CYLC2: variants seen among roughly 807,000 people sequenced by gnomAD.
The protein encoded by CYLC2 is cylicin 2.
Under a neutral mutation model 26.1 loss-of-function variants are expected in CYLC2, and 30 were observed. The observed-to-expected ratio is 1.15, with a 90% CI of 0.86 to 1.56. The LOEUF (loss-of-function observed/expected upper bound fraction) is 1.56. Ranked by LOEUF, CYLC2 falls within the 40% of genes most tolerant of loss-of-function variation. The pLI is 0.00. For missense variants in CYLC2, 498 were observed against 394.4 expected, an observed-to-expected ratio of 1.26 and a Z score of -2.23; for synonymous variants, 158 against 132.8, an observed-to-expected ratio of 1.19 and a Z score of -1.31.
At chr9:103,016,464 A>C (rs536319894) in intron 6 of CYLC2, among the ~76,000 whole-genome samples, 1 of 152,172 alleles carries the variant, frequency 6.6e-6, no homozygotes, top group African/African-American at 2.4e-5. Flanking sequence ...TAATTTCAGT[A>C]GTTGTCACAT....
chr9:103,013,701 C>T (rs1324255275), intron 6 of CYLC2, among the ~76,000 whole-genome samples: 5 of 104,836 alleles, frequency 4.8e-5, no homozygotes, highest in Admixed American at 4.0e-4. Flanking sequence ...ATATCCTGTA[C>T]ATTATATATT....
intron 6 of CYLC2, among the ~76,000 whole-genome samples, chr9:103,014,637 A>T (rs1440462931): frequency 7.0e-6 from 1 of 143,046 alleles, no homozygotes; most frequent in East Asian, 2.1e-4. Context: ...AGTATACATC[A>T]TATGTATATT....
At chr9:103,014,751 TAC>T (rs1829475004) in intron 6 of CYLC2, among the ~76,000 whole-genome samples, 1 of 46,224 alleles carries the variant, frequency 2.2e-5, no homozygotes, top group South Asian at 3.8e-3. Flanking sequence ...TTATGCAATA[TAC>T]ATATGTAATA....
intron 5 of CYLC2, among the ~76,000 whole-genome samples, chr9:103,009,316 C>A (rs2118250584): frequency 6.6e-6 from 1 of 152,176 alleles, no homozygotes; most frequent in Admixed American, 6.5e-5. Flanking sequence ...GGTGATTCTA[C>A]CACCTCAGCC....
chr9:102,996,112 T>A (rs1829234698), intron 1 of CYLC2, among the ~76,000 whole-genome samples: 1 of 151,790 alleles, frequency 6.6e-6, no homozygotes, highest in South Asian at 2.1e-4. Context: ...TTAGCAGTAT[T>A]GTTAAAGGAA....
chr9:103,004,129 T>A (rs1829315453), intron 3 of CYLC2, among the ~76,000 whole-genome samples: 1 of 152,094 alleles, frequency 6.6e-6, no homozygotes, highest in Admixed American at 6.6e-5. Flanking sequence ...GCATAATTTC[T>A]CTCAAATTAA....
At chr9:102,999,335 C>T (rs1829266256) in intron 1 of CYLC2, among the ~76,000 whole-genome samples, 1 of 151,804 alleles carries the variant, frequency 6.6e-6, no homozygotes, top group African/African-American at 2.4e-5. Flanking sequence ...AACTCTGTAT[C>T]ATATAAACTT....
chr9:102,997,236 A>G (rs1413543050), intron 1 of CYLC2, among the ~76,000 whole-genome samples: 1 of 151,850 alleles, frequency 6.6e-6, no homozygotes, highest in Non-Finnish European at 1.5e-5. Flanking sequence ...CATTCTGTCC[A>G]TTGTAAGATG....
At chr9:103,014,527 A>G (rs954487685) in intron 6 of CYLC2, among the ~76,000 whole-genome samples, 2 of 142,908 alleles carry the variant, frequency 1.4e-5, no homozygotes, top group African/African-American at 5.0e-5. Flanking sequence ...TAATATATGC[A>G]ATATACATCA....
rs1829338552 is a variant in CYLC2, at chr9:103,005,620, A to T, written c.989A>T (p.Asp330Val). 1 of 1,613,208 alleles carries T rather than the reference A, an allele frequency of 6.2e-7. No homozygotes were observed. The highest frequency in any genetic ancestry group is 1.3e-5 in the African/African-American group (1 of 74,958). Residue 330 changes from aspartate to valine, a missense_variant, in exon 5 of 8, where the codon GAT becomes GTT. Transcript: ENST00000374798. ...KKNAKKDAKK[D>V]AKKNAKKDEK... The stretch of plus-strand genomic sequence containing the variant: ...AATGCTAAGAAGGATGCAAAGAAGG[A>T]TGCAAAGAAGAATGCAAAGAAGGAT...
intron 3 of CYLC2, among the ~76,000 whole-genome samples, chr9:103,004,034 T>C (rs1829314704): frequency 1.3e-5 from 2 of 152,196 alleles, no homozygotes; most frequent in Non-Finnish European, 1.5e-5. Flanking sequence ...AATTTATTTT[T>C]CCATTTTTGT....
intron 1 of CYLC2, among the ~76,000 whole-genome samples, chr9:103,000,354 AT>A (rs1341807388): frequency 6.6e-6 from 1 of 151,864 alleles, no homozygotes; most frequent in Non-Finnish European, 1.5e-5. Flanking sequence ...TTGAAAATCT[AT>A]TTTGAAAATA....
intron 1 of CYLC2, among the ~76,000 whole-genome samples, chr9:103,001,149 G>A (rs577001594): frequency 1.3e-5 from 2 of 151,922 alleles, no homozygotes; most frequent in East Asian, 2.0e-4. Context: ...TTACATAAGC[G>A]TAGAGTTTAC....
intron 1 of CYLC2, among the ~76,000 whole-genome samples, chr9:102,996,909 T>C (rs1829243470): frequency 6.6e-6 from 1 of 151,966 alleles, no homozygotes; most frequent in Non-Finnish European, 1.5e-5. Context: ...ACTCAGCCCA[T>C]TTATAATGTT....
intron 6 of CYLC2, among the ~76,000 whole-genome samples, chr9:103,015,144 ATATCAC>A (rs1829484443): frequency 2.7e-5 from 1 of 37,572 alleles, no homozygotes; most frequent in African/African-American, 1.0e-4. Flanking sequence ...CATAACATGT[ATATCAC>A]GTGATATACA....
At chr9:103,001,679 T>C in intron 2 of CYLC2, 61 bp downstream of exon 2, 1 of 1,047,558 alleles carries the variant, frequency 9.5e-7, no homozygotes. Context: ...GTAAGTATTA[T>C]CCTCTATTCA....
chr9:103,010,037 A>T (rs1829391348), intron 5 of CYLC2, among the ~76,000 whole-genome samples: 2 of 151,750 alleles, frequency 1.3e-5, no homozygotes, highest in African/African-American at 4.8e-5. Flanking sequence ...AAAATAGAAA[A>T]TTTAAAATAA....
intron 6 of CYLC2, among the ~76,000 whole-genome samples, chr9:103,013,872 T>A (rs1480838384): frequency 1.8e-5 from 2 of 113,012 alleles, no homozygotes; most frequent in South Asian, 2.9e-4. Flanking sequence ...TATTATATAT[T>A]ATACATATAA....
At chr9:103,011,518 A>G (rs1016508601) in intron 5 of CYLC2, among the ~76,000 whole-genome samples, 4 of 152,042 alleles carry the variant, frequency 2.6e-5, no homozygotes, top group Admixed American at 2.0e-4. Flanking sequence ...ATAAAACCAC[A>G]TGAGTGACAA....
Sources: gnomAD v4.1 joint callset for allele counts (sites outside exome capture counted in the v4.1 genomes callset) on GRCh38, gnomAD v4.1.1 for gene constraint, MANE v1.5 for transcripts, NCBI Gene and HGNC (gene_info 2026-07-23, HGNC 2026-07-21) for gene names.